Variants in NBEAL1 observed in about 807,000 individuals in gnomAD.
The protein encoded by NBEAL1 is neurobeachin like 1.
In NBEAL1, 273 loss-of-function variants were observed where a neutral mutation model predicts 351.3. The observed-to-expected ratio is 0.78, with a 90% CI of 0.70 to 0.86. The LOEUF (loss-of-function observed/expected upper bound fraction) is 0.86, where lower values mean the gene tolerates loss of function less well. NBEAL1 is among the 40% of genes least tolerant of loss of function. The pLI, the probability that NBEAL1 is intolerant of heterozygous loss-of-function variation, is 0.00. For synonymous variants in NBEAL1, 1,050 were observed against 1,086.4 expected (o/e 0.97, Z 0.66); for missense variants, 2,961 against 3,201.3 (o/e 0.92, Z 1.81).
intron 6 of NBEAL1, among the ~76,000 whole-genome samples, chr2:203,066,795 T>C (rs1438184617): frequency 1.2e-4 from 13 of 111,686 alleles, no homozygotes; most frequent in South Asian, 6.1e-4. Context: ...CGGGCAGAGG[T>C]GCACCTCACT....
intron 2 of NBEAL1, among the ~76,000 whole-genome samples, chr2:203,041,223 C>T (rs375900272): frequency 6.6e-6 from 1 of 152,168 alleles, no homozygotes; most frequent in Non-Finnish European, 1.5e-5. Flanking sequence ...ACAAGGTTCC[C>T]TAAGACTCCC....
intron 34 of NBEAL1, 99 bp downstream of exon 34, chr2:203,149,247 T>C (rs2063588392): frequency 1.3e-6 from 1 of 779,456 alleles, no homozygotes; most frequent in South Asian, 2.9e-5. Context: ...TTCTTAAATG[T>C]TCAATTCATA....
rs552951900 is a variant in NBEAL1, at chr2:203,130,530, A to G, written c.3564+54A>G. On this transcript the variant is annotated intron_variant, in intron 25 of 55. Transcript: ENST00000683969. ...TTTTGAGGCGTTTGTGGGTATATGA[A>G]TTTTCTTGCAATATATCCATTCTGT... 2.5e-6 allele frequency: 3 copies of G among 1,210,544 alleles called. No homozygotes were observed. The East Asian group carries it at 9.5e-5, about 38-fold the overall frequency. The allele number at this position is 1,210,544 out of a possible 1,614,324, so 75.0% of individuals were successfully genotyped here.
chr2:203,160,682 C>T (rs1219370914), intron 36 of NBEAL1, among the ~76,000 whole-genome samples: 1 of 152,072 alleles, frequency 6.6e-6, no homozygotes, highest in Non-Finnish European at 1.5e-5. Context: ...TTCTGATCTC[C>T]CTCTGTTATG....
At chr2:203,028,971 G>A (rs1347727413) in intron 2 of NBEAL1, among the ~76,000 whole-genome samples, 1 of 152,104 alleles carries the variant, frequency 6.6e-6, no homozygotes, top group East Asian at 1.9e-4. Context: ...TAACTCGACT[G>A]ACTTCCCAGA....
chr2:203,116,785 G>C (rs1405128042), intron 18 of NBEAL1, among the ~76,000 whole-genome samples: 1 of 123,122 alleles, frequency 8.1e-6, no homozygotes, highest in Non-Finnish European at 1.6e-5. Flanking sequence ...GCAAGACCCT[G>C]TCTCAAAAAA....
At chr2:203,210,631 T>G in intron 53 of NBEAL1, among the ~76,000 whole-genome samples, 1 of 152,210 alleles carries the variant, frequency 6.6e-6, no homozygotes, top group Non-Finnish European at 1.5e-5. Context: ...GCCACTGCAC[T>G]CCAGCCTGGG....
chr2:203,036,902 T>G (rs1401773464), intron 2 of NBEAL1, among the ~76,000 whole-genome samples: 1 of 149,130 alleles, frequency 6.7e-6, no homozygotes. Flanking sequence ...GGTAATTCTC[T>G]GCTGTATCGG....
intron 7 of NBEAL1, among the ~76,000 whole-genome samples, chr2:203,070,278 A>G (rs1418241376): frequency 6.6e-6 from 1 of 151,884 alleles, no homozygotes. Flanking sequence ...TCAAATATTA[A>G]ACTAACATCA....
At chr2:203,155,733 C>T (rs1390927843) in intron 35 of NBEAL1, among the ~76,000 whole-genome samples, 1 of 152,174 alleles carries the variant, frequency 6.6e-6, no homozygotes, top group African/African-American at 2.4e-5. Flanking sequence ...CAGGCATGAG[C>T]CATCACACTC....
intron 48 of NBEAL1, among the ~76,000 whole-genome samples, chr2:203,198,660 G>A (rs192750035): frequency 3.3e-5 from 5 of 151,968 alleles, no homozygotes; most frequent in African/African-American, 7.2e-5. Flanking sequence ...TTAGGAGTTC[G>A]AGACCAGCCT....
chr2:203,078,326 T>TA (rs1358607196), intron 8 of NBEAL1, among the ~76,000 whole-genome samples: 2 of 152,106 alleles, frequency 1.3e-5, no homozygotes, highest in Non-Finnish European at 2.9e-5. Context: ...AGCATCTAAG[T>TA]GCTGTCATAA....
chr2:203,149,607 T>A (rs1414539387), intron 34 of NBEAL1, among the ~76,000 whole-genome samples: 1 of 152,202 alleles, frequency 6.6e-6, no homozygotes, highest in Non-Finnish European at 1.5e-5. Flanking sequence ...CATTTTAAAA[T>A]GTACAGTTCA....
At chr2:203,150,668 T>G (rs544136169) in intron 34 of NBEAL1, among the ~76,000 whole-genome samples, 1 of 152,294 alleles carries the variant, frequency 6.6e-6, no homozygotes, top group East Asian at 1.9e-4. Context: ...AGTTTTATCC[T>G]TATCTTTTCT....
chr2:203,028,807 T>A (rs2106010933), intron 2 of NBEAL1, among the ~76,000 whole-genome samples: 1 of 152,282 alleles, frequency 6.6e-6, no homozygotes, highest in Admixed American at 6.5e-5. Context: ...ATTTGGTTAA[T>A]TTTTTAAAAA....
At chr2:203,087,533 T>A (rs2061990232) in intron 10 of NBEAL1, among the ~76,000 whole-genome samples, 1 of 152,226 alleles carries the variant, frequency 6.6e-6, no homozygotes, top group African/African-American at 2.4e-5. Flanking sequence ...TACCATGACT[T>A]GTGCAAGGCT....
At chr2:203,050,617 A>G (rs943178061) in intron 4 of NBEAL1, among the ~76,000 whole-genome samples, 1 of 152,236 alleles carries the variant, frequency 6.6e-6, no homozygotes, top group Non-Finnish European at 1.5e-5. Context: ...ATTTTATCAA[A>G]TAAAGTATAA....
At chr2:203,204,982 C>G (rs1258342344) in intron 51 of NBEAL1, among the ~76,000 whole-genome samples, 1 of 151,970 alleles carries the variant, frequency 6.6e-6, no homozygotes, top group Non-Finnish European at 1.5e-5. Flanking sequence ...TTTATCTTTT[C>G]TAATATACTA....
At chr2:203,197,190 A>G (rs1473306641) in intron 47 of NBEAL1, 112 bp from the exon 48 acceptor site, 1 of 583,108 alleles carries the variant, frequency 1.7e-6, no homozygotes, top group Non-Finnish European at 3.1e-6. Flanking sequence ...ATGTTTCAAG[A>G]GAGTAAAATG....
Sources: allele counts gnomAD v4.1 joint callset (sites outside exome capture counted in the v4.1 genomes callset), GRCh38; gene constraint gnomAD v4.1.1; transcripts MANE v1.5; gene names NCBI Gene and HGNC (gene_info 2026-07-23, HGNC 2026-07-21).